The following SLC44A3 variants were observed in gnomAD, a reference collection of about 807,000 sequenced individuals.
SLC44A3 encodes choline transporter-like protein 3.
A neutral mutation model predicts 75.4 loss-of-function variants in SLC44A3; 74 were observed. The ratio of observed to expected loss-of-function variants is 0.98; its 90% CI spans 0.81 to 1.19. The LOEUF (loss-of-function observed/expected upper bound fraction) is 1.19. Among genes scored for constraint, SLC44A3 ranks in the 50% most tolerant of loss-of-function variants. The probability of loss-of-function intolerance (pLI) is 0.00; values close to 1 mark genes in which losing one functional copy is unlikely to be tolerated. For missense variants in SLC44A3, 700 were observed against 778.6 expected, an observed-to-expected ratio of 0.90 and a Z score of 1.20; for synonymous variants, 310 against 296.9, an observed-to-expected ratio of 1.04 and a Z score of -0.45.
rs571466716 is a variant in SLC44A3 at position 94,829,175 on chromosome 1, T to A, written c.509+589T>A. On this transcript the variant is annotated intron_variant, in intron 5 of 14. Transcript: ENST00000271227. ...GTGCATGCCTGTAGTCCCAGCTACT[T>A]GGGAGGCCGAGGCAGAAGAATCACT... Among the ~76,000 whole-genome samples, 33 of 152,146 alleles carry A rather than the reference T, an allele frequency of 2.2e-4. No individual in the cohort carries two copies. In the South Asian group the frequency reaches 6.8e-3, roughly 32 times the overall value.
rs12024647 is a variant in SLC44A3, at chr1:94,888,914, C to T, written c.1483-2216C>T. Among the ~76,000 whole-genome samples, 1,075 of 142,972 alleles carry T rather than the reference C, an allele frequency of 7.5e-3. 12 individuals are homozygous for T. Among genetic ancestry groups the T allele is most frequent in the Non-Finnish European group, 0.013 (818 of 65,354 alleles). 93.8% of individuals were successfully genotyped at this position (142,972 alleles called of 152,430 possible). A position where few individuals can be genotyped will look rare whatever the true frequency, so the allele number is the denominator to read the frequency against. On this transcript the variant is annotated intron_variant, in intron 12 of 14. Coordinates refer to ENST00000271227, the MANE Select transcript of SLC44A3 (RefSeq NM_001114106.3). ...CTGGCTATATATATATATATATACACATATATATGTATATTTTGTATTTTT... is the reference window on the plus strand; with the variant it reads ...CTGGCTATATATATATATATATACATATATATATGTATATTTTGTATTTTT...
chr1:94,830,248 T>A (rs1287892707), intron 5 of SLC44A3, among the ~76,000 whole-genome samples: 1 of 152,194 alleles, frequency 6.6e-6, no homozygotes, highest in Non-Finnish European at 1.5e-5. Flanking sequence ...GTCTTGCTCT[T>A]GTCACCCAGG....
intron 12 of SLC44A3, among the ~76,000 whole-genome samples, chr1:94,890,868 T>A (rs988773185): frequency 6.6e-6 from 1 of 152,196 alleles, no homozygotes; most frequent in Non-Finnish European, 1.5e-5. Flanking sequence ...AAAACCCTTA[T>A]GCTTTACCCA....
intron 11 of SLC44A3, among the ~76,000 whole-genome samples, chr1:94,866,492 C>T (rs997659521): frequency 6.6e-6 from 1 of 152,284 alleles, no homozygotes. Context: ...GCCTTACTGC[C>T]CCACACTGTG....
At chr1:94,872,724 G>A (rs1406539123) in intron 12 of SLC44A3, among the ~76,000 whole-genome samples, 3 of 152,228 alleles carry the variant, frequency 2.0e-5, no homozygotes, top group Admixed American at 6.5e-5. Context: ...TTTGACCCTT[G>A]TCATGGCATC....
chr1:94,872,738 C>A (rs1667900159), intron 12 of SLC44A3, among the ~76,000 whole-genome samples: 2 of 152,238 alleles, frequency 1.3e-5, no homozygotes, highest in Non-Finnish European at 2.9e-5. Flanking sequence ...TGGCATCCAG[C>A]CCAGAGCTGG....
At chr1:94,887,074 C>T (rs376566439) in intron 12 of SLC44A3, among the ~76,000 whole-genome samples, 7 of 151,994 alleles carry the variant, frequency 4.6e-5, no homozygotes, top group East Asian at 1.9e-4. Flanking sequence ...ACCAATAAAA[C>T]GTGTTTCCTA....
chr1:94,872,196 G>A (rs1447420488), intron 12 of SLC44A3, among the ~76,000 whole-genome samples: 1 of 152,080 alleles, frequency 6.6e-6, no homozygotes, highest in Non-Finnish European at 1.5e-5. Context: ...CCGCCTCCCA[G>A]GTTTAAGTGA....
At chr1:94,821,092 T>A in intron 2 of SLC44A3, 36 bp downstream of exon 2, 1 of 1,501,886 alleles carries the variant, frequency 6.7e-7, no homozygotes, top group Non-Finnish European at 9.1e-7. Context: ...GAGGCCAGAG[T>A]GTGTGTGCAC....
intron 7 of SLC44A3, among the ~76,000 whole-genome samples, 200 bp from the exon 8 acceptor site, chr1:94,841,800 C>A (rs915458233): frequency 6.6e-6 from 1 of 152,194 alleles, no homozygotes; most frequent in African/African-American, 2.4e-5. Context: ...ACTTGTGGGT[C>A]CTCTATGGGT....
In SLC44A3 at chr1:94,848,106, A is replaced by G. The variant is rs11576768; in HGVS notation, c.1072+2642A>G. 5.1e-3 allele frequency among the ~76,000 whole-genome samples: 781 copies of G among 152,118 alleles called. 3 individuals carry two copies. The highest frequency in any genetic ancestry group is 7.2e-3 in the Non-Finnish European group (492 of 67,962). The stretch of plus-strand genomic sequence containing the variant: ...TAGCCGGGCGTGGTGGCGGGCGCCT[A>G]TAGTCCCAGCTACTCGGGAGGCTGA... On this transcript the variant is annotated intron_variant, in intron 9 of 14. Transcript: ENST00000271227.
intron 12 of SLC44A3, among the ~76,000 whole-genome samples, chr1:94,873,452 G>A (rs930252403): frequency 4.5e-4 from 68 of 152,198 alleles, no homozygotes; most frequent in African/African-American, 1.6e-3. Flanking sequence ...GGTCAAGGCA[G>A]AGAAAAACCT....
In SLC44A3 at chr1:94,842,057, A is replaced by T. The variant is rs1426833541; in HGVS notation, c.818A>T (p.Glu273Val). 3 of 1,613,418 alleles carry T rather than the reference A, an allele frequency of 1.9e-6. No homozygotes were observed. The highest frequency in any genetic ancestry group is 8.5e-7 in the Non-Finnish European group (1 of 1,179,818). ...YYDYTNDLSI[E>V]LDTERENMKC... ...GACTATACCAACGACCTCAGCATAG[A>T]ATTGGACACAGAAAGGGAAAATATG... is the stretch of plus-strand genomic sequence containing the variant. The change falls in exon 8 of 15, where the codon GAA becomes GTA. Residue 273 changes from glutamate to valine, a missense_variant. Coordinates refer to ENST00000271227, the MANE Select transcript of SLC44A3 (RefSeq NM_001114106.3).
At position 94,864,744 on chromosome 1, in the gene SLC44A3, A is replaced by G. The variant is rs962674570; in HGVS notation, c.1240A>G (p.Ser414Gly). 2.4e-5 allele frequency: 39 copies of G among 1,611,924 alleles called. No homozygotes were observed. Among genetic ancestry groups the G allele is most frequent in the Non-Finnish European group, 3.2e-5 (38 of 1,179,200 alleles). Residue 414 changes from serine to glycine, a missense_variant and splice_region_variant, in exon 11 of 15, where the codon AGT becomes GGT. Physicochemically the swap from Ser to Gly is moderately conservative, Grantham distance 56. Transcript: ENST00000271227. ...GAVVTCYFNRSKNDPPDHPIL... is the reference protein window; with the variant it reads ...GAVVTCYFNRGKNDPPDHPIL... ...TGCTATCCTTTTCCCTATTTCCAGA[A>G]GTAAAAATGATCCTCCTGATCATCC...
At chr1:94,829,139 C>T (rs990321760) in intron 5 of SLC44A3, among the ~76,000 whole-genome samples, 3 of 151,790 alleles carry the variant, frequency 2.0e-5, no homozygotes, top group South Asian at 2.1e-4. Context: ...AAAAATTAGC[C>T]GGGTGTGGTG....
chr1:94,892,404 T>A lies in SLC44A3; in HGVS notation c.1744T>A (p.Phe582Ile), dbSNP rs1670317262. 1 of 1,614,170 alleles carries A rather than the reference T, an allele frequency of 6.2e-7. No homozygotes were observed. The change falls in exon 14 of 15, where the codon TTT (phenylalanine) becomes ATT (isoleucine). Residue 582 changes from phenylalanine to isoleucine, a missense_variant. Transcript: ENST00000271227. ...TTTTGCCTACTTAGTAGCCCATAGT[T>A]TTTTATCTGTGTTTGAAACTGTGCT... The part of the protein sequence containing the change: ...AFFAYLVAHS[F>I]LSVFETVLDA...
chr1:94,823,876 A>G (rs546323151), intron 2 of SLC44A3, among the ~76,000 whole-genome samples: 1 of 152,320 alleles, frequency 6.6e-6, no homozygotes, highest in South Asian at 2.1e-4. Flanking sequence ...TGAAATTTCA[A>G]ATATTCCACA....
At chr1:94,848,235 A>AAC (rs1664714296) in intron 9 of SLC44A3, among the ~76,000 whole-genome samples, 1 of 151,636 alleles carries the variant, frequency 6.6e-6, no homozygotes, top group South Asian at 2.1e-4. Context: ...TCTCAAAAAA[A>AAC]AAAAAAAATA....
chr1:94,887,932 T>G (rs1669773391), intron 12 of SLC44A3, among the ~76,000 whole-genome samples: 1 of 152,216 alleles, frequency 6.6e-6, no homozygotes. Flanking sequence ...CTCAGGTGCT[T>G]AAAGAGTTGC....
Sources: allele counts gnomAD v4.1 joint callset (sites outside exome capture counted in the v4.1 genomes callset), GRCh38; gene constraint gnomAD v4.1.1; transcripts MANE v1.5; gene names NCBI Gene and HGNC (gene_info 2026-07-23, HGNC 2026-07-21).